CHSY3: variants seen among roughly 807,000 people sequenced by gnomAD.
CHSY3 encodes the protein N-acetylgalactosaminyl-proteoglycan 3-beta-glucuronosyltransferase 3.
CHSY3 carries 35 observed loss-of-function variants against 67.2 expected under a neutral mutation model. The observed-to-expected ratio is 0.52, with a 90% confidence interval of 0.40 to 0.69. CHSY3 has a LOEUF of 0.69. Ranked by LOEUF, CHSY3 falls within the 30% of genes least tolerant of loss-of-function variation. CHSY3 has a pLI of 0.00. For synonymous variants in CHSY3, 474 were observed against 434.7 expected, an observed-to-expected ratio of 1.09 and a Z score of -1.12; for missense variants, 1,069 against 1,138.5, an observed-to-expected ratio of 0.94 and a Z score of 0.88.
chr5:129,965,494 A>G (rs937486442), intron 2 of CHSY3, among the ~76,000 whole-genome samples: 4 of 152,020 alleles, frequency 2.6e-5, no homozygotes, highest in East Asian at 1.9e-4. Flanking sequence ...GGACTCTTCA[A>G]TTCTAGTTAT....
Position 130,184,305 on chromosome 5 carries a change from A to G in CHSY3, c.1163A>G (p.His388Arg), listed in dbSNP as rs147857014. 1 of 1,613,992 alleles carries G rather than the reference A, an allele frequency of 6.2e-7. No individual in the cohort carries two copies. Among genetic ancestry groups the G allele is most frequent in the Non-Finnish European group, 8.5e-7 (1 of 1,179,908 alleles). Reference protein sequence around the residue: ...YIQDLHNSKIHAAITLHPNKR... With the variant: ...YIQDLHNSKIRAAITLHPNKR... ...CAAGACCTTCACAATAGCAAAATCCATGCAGCCATAACACTTCATCCCAAC... is the reference window on the plus strand; with the variant it reads ...CAAGACCTTCACAATAGCAAAATCCGTGCAGCCATAACACTTCATCCCAAC... The change falls in exon 3 of 3, where the codon CAT (histidine) becomes CGT (arginine). Residue 388 changes from histidine (H) to arginine (R), a missense_variant. Physicochemically the swap from His to Arg is conservative, Grantham distance 29. This residue lies in a region of CHSY3 where 216 missense variants were observed against 311.5 expected (regional missense o/e 0.69). Coordinates refer to ENST00000305031, the MANE Select transcript of CHSY3 (RefSeq NM_175856.5).
At chr5:130,086,538 A>G (rs1766636108) in intron 2 of CHSY3, among the ~76,000 whole-genome samples, 1 of 152,034 alleles carries the variant, frequency 6.6e-6, no homozygotes. Flanking sequence ...AATACAGCAC[A>G]CCACCAATCC....
intron 2 of CHSY3, among the ~76,000 whole-genome samples, chr5:129,994,103 C>A (rs896189151): frequency 1.3e-5 from 2 of 152,140 alleles, no homozygotes; most frequent in Non-Finnish European, 2.9e-5. Context: ...ATGGACTTCC[C>A]CTTGTGGGTA....
At chr5:130,085,460 C>G (rs116288022) in intron 2 of CHSY3, among the ~76,000 whole-genome samples, 1,554 of 152,136 alleles carry the variant, frequency 0.01, 19 homozygotes, top group African/African-American at 0.034. Flanking sequence ...GAAACTTCCC[C>G]TTTATCATTT....
intron 2 of CHSY3, among the ~76,000 whole-genome samples, chr5:129,996,213 G>T (rs1478851763): frequency 6.6e-6 from 1 of 152,120 alleles, no homozygotes; most frequent in East Asian, 1.9e-4. Flanking sequence ...AGGAAATTTT[G>T]TTATTATTAC....
intron 2 of CHSY3, among the ~76,000 whole-genome samples, chr5:129,972,127 C>G (rs1261538751): frequency 6.6e-6 from 1 of 151,972 alleles, no homozygotes; most frequent in Non-Finnish European, 1.5e-5. Flanking sequence ...GTAACTTGAA[C>G]AAAAAGAACT....
chr5:130,168,629 C>A (rs964797749), intron 2 of CHSY3, among the ~76,000 whole-genome samples: 3 of 152,038 alleles, frequency 2.0e-5, no homozygotes, highest in Admixed American at 6.6e-5. Flanking sequence ...AGACAAAGTT[C>A]TTCCAGTAAA....
At chr5:130,127,432 G>T (rs147461320) in intron 2 of CHSY3, among the ~76,000 whole-genome samples, 14 of 152,040 alleles carry the variant, frequency 9.2e-5, no homozygotes, top group African/African-American at 3.4e-4. Flanking sequence ...AGTAAATGTA[G>T]ATTCTGGGTT....
At chr5:130,080,037 T>TAC (rs35994744) in intron 2 of CHSY3, among the ~76,000 whole-genome samples, 17,620 of 143,278 alleles carry the variant, frequency 0.12, 1,264 homozygotes, top group African/African-American at 0.21. Flanking sequence ...CACCTGAACA[T>TAC]ACACACACAC....
intron 2 of CHSY3, among the ~76,000 whole-genome samples, chr5:130,076,143 A>G (rs533623346): frequency 4.6e-5 from 7 of 152,042 alleles, no homozygotes; most frequent in Non-Finnish European, 7.4e-5. Context: ...GCGCTTGCAT[A>G]TATATTTTCC....
rs373792516 is a variant in CHSY3 at position 129,908,318 on chromosome 5, C to T, written c.1044C>T (p.Cys348=). The change falls in exon 2 of 3, where the codon TGC becomes TGT. Residue 348 remains cysteine (C), a synonymous_variant. Transcript: ENST00000305031. ...TTHEDVEVGR[C]VRRFGGTQCV... is the part of the protein sequence containing the mutation. ...ATGAGGATGTGGAAGTAGGAAGATG[C>T]GTTCGCCGTTTTGGTGGGACTCAGT... 7.4e-5 allele frequency: 119 copies of T among 1,613,876 alleles called. No individual in the cohort carries two copies. Among genetic ancestry groups the T allele is most frequent in the Middle Eastern group, 1.6e-4 (1 of 6,078 alleles).
chr5:130,001,504 G>C, intron 2 of CHSY3: 1 of 963,432 alleles, frequency 1.0e-6, no homozygotes, highest in East Asian at 1.2e-4. Context: ...CCAAGATCTA[G>C]TGAAGGGCCT....
chr5:129,975,554 T>G (rs1165378203), intron 2 of CHSY3, among the ~76,000 whole-genome samples: 2 of 152,190 alleles, frequency 1.3e-5, no homozygotes, highest in Non-Finnish European at 2.9e-5. Flanking sequence ...GATGGTCAAA[T>G]ATAAAACTTA....
chr5:129,989,366 A>AT (rs987890596), intron 2 of CHSY3, among the ~76,000 whole-genome samples: 20 of 149,386 alleles, frequency 1.3e-4, no homozygotes, highest in Non-Finnish European at 2.1e-4. Context: ...GGTTCAAGTG[A>AT]TTCTCCTGCC....
intron 2 of CHSY3, among the ~76,000 whole-genome samples, chr5:130,164,658 C>A (rs1033624143): frequency 6.6e-5 from 10 of 152,082 alleles, no homozygotes; most frequent in Non-Finnish European, 7.3e-5. Context: ...TCTCTCTTCT[C>A]AGACAGCTCT....
At chr5:130,096,599 G>A (rs1004200829) in intron 2 of CHSY3, among the ~76,000 whole-genome samples, 2 of 152,148 alleles carry the variant, frequency 1.3e-5, no homozygotes, top group Admixed American at 1.3e-4. Flanking sequence ...TCTTCTGTAA[G>A]TCTAAAGTTA....
chr5:130,142,504 T>A (rs923576109), intron 2 of CHSY3, among the ~76,000 whole-genome samples: 4 of 152,230 alleles, frequency 2.6e-5, no homozygotes, highest in African/African-American at 9.6e-5. Flanking sequence ...TCCAATTTGA[T>A]TATGTTTTAG....
At chr5:130,033,288 A>G (rs1764752996) in intron 2 of CHSY3, among the ~76,000 whole-genome samples, 1 of 152,114 alleles carries the variant, frequency 6.6e-6, no homozygotes, top group Admixed American at 6.6e-5. Context: ...CAATTATTTT[A>G]TCCCTTCAAC....
chr5:130,026,828 C>T (rs1199427984), intron 2 of CHSY3, among the ~76,000 whole-genome samples: 1 of 152,024 alleles, frequency 6.6e-6, no homozygotes, highest in Non-Finnish European at 1.5e-5. Flanking sequence ...TATTCTGTTA[C>T]CACATTTTTA....
Sources: allele counts gnomAD v4.1 joint callset (sites outside exome capture counted in the v4.1 genomes callset), GRCh38; gene constraint gnomAD v4.1.1; regional missense constraint gnomAD v4.1.1; transcripts MANE v1.5; gene names NCBI Gene and HGNC (gene_info 2026-07-23, HGNC 2026-07-21).